INPP4B: variants seen among roughly 807,000 people sequenced by gnomAD.
INPP4B encodes inositol polyphosphate-4-phosphatase type II B.
In INPP4B, 55 loss-of-function variants were observed where a neutral mutation model predicts 122.5. That is an observed-to-expected ratio of 0.45 (90% confidence interval 0.36 to 0.56). The LOEUF is 0.56. INPP4B is among the 20% of genes least tolerant of loss of function. INPP4B has a pLI of 0.00. For synonymous variants in INPP4B, 403 were observed against 388.7 expected (o/e 1.04, Z -0.43); for missense variants, 1,000 against 1,097.7 (o/e 0.91, Z 1.26).
intron 7 of INPP4B, among the ~76,000 whole-genome samples, chr4:142,365,027 A>C (rs946957145): frequency 3.3e-5 from 5 of 152,148 alleles, no homozygotes; most frequent in Admixed American, 3.3e-4. Flanking sequence ...TAGGAGGAGT[A>C]GACAAAAAGT....
chr4:142,096,136 G>A (rs1355184597), intron 23 of INPP4B: 1 of 152,160 alleles, frequency 6.6e-6, no homozygotes, highest in East Asian at 1.9e-4. Context: ...GCCATTATGT[G>A]CAGACTTACT....
chr4:142,176,292 C>G (rs2152959448), intron 15 of INPP4B, among the ~76,000 whole-genome samples: 1 of 151,796 alleles, frequency 6.6e-6, no homozygotes, highest in South Asian at 2.1e-4. Context: ...CCCCACTGCC[C>G]AAGGTAATTT....
intron 12 of INPP4B, among the ~76,000 whole-genome samples, chr4:142,225,654 C>T (rs551801280): frequency 6.6e-6 from 1 of 151,786 alleles, no homozygotes; most frequent in Admixed American, 6.6e-5. Flanking sequence ...GAAAGATCCT[C>T]CCACCTCACT....
chr4:142,259,469 G>A (rs1039562117), intron 11 of INPP4B, among the ~76,000 whole-genome samples: 5 of 151,750 alleles, frequency 3.3e-5, no homozygotes, highest in South Asian at 2.1e-4. Context: ...AATTTTTTAA[G>A]TGTGTATTTT....
intron 18 of INPP4B, among the ~76,000 whole-genome samples, chr4:142,125,192 A>G (rs2152762111): frequency 6.6e-6 from 1 of 151,972 alleles, no homozygotes; most frequent in Middle Eastern, 3.4e-3. Flanking sequence ...GTCCATGCCC[A>G]TCGTTGTTTA....
chr4:142,622,661 C>T (rs1016871423), intron 2 of INPP4B, among the ~76,000 whole-genome samples: 6 of 151,866 alleles, frequency 4.0e-5, no homozygotes, highest in African/African-American at 1.4e-4. Context: ...TAATGAGGAT[C>T]AATGGTGATC....
chr4:142,537,419 TATATATATATAG>T (rs1434572789), intron 2 of INPP4B, among the ~76,000 whole-genome samples: 10 of 52,164 alleles, frequency 1.9e-4, no homozygotes, highest in Admixed American at 1.1e-3. Context: ...TATATATATA[TATATATATATAG>T]AGAGAGAGAG....
intron 7 of INPP4B, among the ~76,000 whole-genome samples, chr4:142,367,180 C>T (rs1318778667): frequency 9.1e-6 from 1 of 109,360 alleles, no homozygotes; most frequent in Non-Finnish European, 2.0e-5. Flanking sequence ...TGTATGTATA[C>T]ATGTAATATG....
intron 10 of INPP4B, among the ~76,000 whole-genome samples, chr4:142,262,499 C>T (rs1325514109): frequency 6.6e-6 from 1 of 152,160 alleles, no homozygotes; most frequent in African/African-American, 2.4e-5. Context: ...CTTTCCTTAA[C>T]CAACATCTAG....
chr4:142,374,962 C>G (rs540350511), intron 7 of INPP4B, among the ~76,000 whole-genome samples: 1 of 152,000 alleles, frequency 6.6e-6, no homozygotes, highest in South Asian at 2.1e-4. Context: ...ATCTCCAGCT[C>G]TCCGTTCTGG....
At chr4:142,843,517 C>G (rs1783818425) in intron 1 of INPP4B, among the ~76,000 whole-genome samples, 1 of 151,874 alleles carries the variant, frequency 6.6e-6, no homozygotes. Flanking sequence ...TTATTTAAAA[C>G]AGGGCATTTC....
chr4:142,280,527 G>C (rs979831728), intron 9 of INPP4B, among the ~76,000 whole-genome samples: 2 of 151,892 alleles, frequency 1.3e-5, no homozygotes, highest in Non-Finnish European at 2.9e-5. Context: ...GTGGTGGCCA[G>C]GGGTTGGTGT....
chr4:142,288,310 C>T (rs1469097486), intron 9 of INPP4B, among the ~76,000 whole-genome samples: 3 of 152,218 alleles, frequency 2.0e-5, no homozygotes, highest in Admixed American at 6.5e-5. Flanking sequence ...CTAGGCCGGG[C>T]GTGTTGGCTC....
intron 2 of INPP4B, among the ~76,000 whole-genome samples, chr4:142,599,523 G>A (rs1049970306): frequency 3.3e-5 from 5 of 151,894 alleles, no homozygotes; most frequent in Non-Finnish European, 7.4e-5. Context: ...AGAACTTCAG[G>A]AAAAAGTCTT....
intron 2 of INPP4B, among the ~76,000 whole-genome samples, chr4:142,506,196 G>A (rs1478050488): frequency 6.6e-6 from 1 of 152,058 alleles, no homozygotes; most frequent in African/African-American, 2.4e-5. Flanking sequence ...AATGTAGCAG[G>A]ATATTTAATG....
chr4:142,588,194 AT>A (rs1353698778), intron 2 of INPP4B, among the ~76,000 whole-genome samples: 1 of 151,960 alleles, frequency 6.6e-6, no homozygotes, highest in Non-Finnish European at 1.5e-5. Context: ...TTCAGTTAAC[AT>A]TATATTTAAT....
At position 142,122,145 on chromosome 4, in the gene INPP4B, T is replaced by G. The variant is rs1295644789; in HGVS notation, c.2118A>C (p.Pro706=). 6.2e-7 allele frequency: 1 copy of G among 1,609,526 alleles called. No homozygotes were observed. ...CTGCTTACCGTCTTCCTGTTATAAC[T>G]GGCAACACATCATTGGATTTGGCTT... ...IIEAKSNDVL[P]VITGRREHYV... Residue 706 remains proline (P), a synonymous_variant, in exon 21 of 26, where the codon CCA becomes CCC. Transcript: ENST00000262992.
intron 2 of INPP4B, among the ~76,000 whole-genome samples, chr4:142,510,487 G>C (rs1332210097): frequency 6.6e-6 from 1 of 152,044 alleles, no homozygotes; most frequent in Non-Finnish European, 1.5e-5. Flanking sequence ...ATTTTATTTG[G>C]CAAATACACA....
rs1353932737 is a variant in INPP4B, at chr4:142,209,037, T to C, written c.837-11A>G. On this transcript the variant is annotated splice_polypyrimidine_tract_variant and intron_variant, in intron 12 of 25. Coordinates refer to ENST00000262992, the MANE Select transcript of INPP4B (RefSeq NM_001101669.3). ...TTTATCTCCTGGTTTCTGTTAAGAG[T>C]GGAAGAGAAGAGAAACTTTATTTTT... The C allele has an allele frequency of 4.4e-6, 7 of 1,583,204 alleles. No homozygotes were observed. Among genetic ancestry groups the C allele is most frequent in the Middle Eastern group, 1.7e-4 (1 of 5,868 alleles).
Sources: gnomAD v4.1 joint callset for allele counts (sites outside exome capture counted in the v4.1 genomes callset) on GRCh38, gnomAD v4.1.1 for gene constraint, MANE v1.5 for transcripts, NCBI Gene and HGNC (gene_info 2026-07-23, HGNC 2026-07-21) for gene names.